Variants in MYH10 observed in about 807,000 individuals in gnomAD.
MYH10 encodes the protein myosin heavy chain 10, also known as myosin-10.
MYH10 carries 55 observed loss-of-function variants against 257.8 expected under a neutral mutation model. That is an observed-to-expected ratio of 0.21 (90% confidence interval 0.17 to 0.27). The LOEUF (loss-of-function observed/expected upper bound fraction) is 0.27, where lower values mean the gene tolerates loss of function less well. Among genes scored for constraint, MYH10 ranks in the 10% least tolerant of loss-of-function variants. The pLI is 1.00. For synonymous variants in MYH10, 854 were observed against 921.7 expected (o/e 0.93, Z 1.33); for missense variants, 1,631 against 2,500.6 (o/e 0.65, Z 7.42).
chr17:8,588,705 G>A (rs373253176), intron 4 of MYH10, among the ~76,000 whole-genome samples: 9 of 152,158 alleles, frequency 5.9e-5, no homozygotes, highest in East Asian at 3.8e-4. Flanking sequence ...GTGTCCTGTT[G>A]TGGATATTGT....
At position 8,492,999 on chromosome 17, in the gene MYH10, T is replaced by C. The variant is rs754399253; in HGVS notation, c.4235A>G (p.Asp1412Gly). 8 of 1,613,614 alleles carry C rather than the reference T, an allele frequency of 5.0e-6. No homozygotes were observed. Among genetic ancestry groups the C allele is most frequent in the Non-Finnish European group, 6.8e-6 (8 of 1,179,934 alleles). Residue 1412 changes from aspartate to glycine, a missense_variant, in exon 33 of 43, where the codon GAT becomes GGT. Physicochemically the swap from Asp to Gly is moderately conservative, Grantham distance 94. Coordinates refer to ENST00000360416, the MANE Select transcript of MYH10 (RefSeq NM_001256012.3). ...SQLADTKKKVDDDLGTIESLE... is the reference protein window; with the variant it reads ...SQLADTKKKVGDDLGTIESLE... ...ACTTTCAATTGTTCCCAGGTCGTCA[T>C]CTACTTTCTTCTTGGTATCAGCCAA... is the stretch of plus-strand genomic sequence containing the variant.
chr17:8,563,598 T>A (rs138798948), intron 7 of MYH10, among the ~76,000 whole-genome samples: 1 of 152,344 alleles, frequency 6.6e-6, no homozygotes, highest in African/African-American at 2.4e-5. Flanking sequence ...GTGCAGACCA[T>A]ATTCTGTCAC....
intron 3 of MYH10, among the ~76,000 whole-genome samples, chr17:8,601,868 G>C (rs907397769): frequency 1.3e-5 from 2 of 151,826 alleles, no homozygotes; most frequent in African/African-American, 2.4e-5. Context: ...AAAAACTTTT[G>C]AATATTTTTT....
chr17:8,490,635 A>G lies in MYH10; in HGVS notation c.4672-83T>C. The stretch of plus-strand genomic sequence containing the variant: ...AGCAGTCTTACTGTTTTACAGGCCC[A>G]CTCGTGGCATGCTGGCCACTTTGGT... On this transcript the variant is annotated intron_variant, in intron 34 of 42. Transcript: ENST00000360416. This position sits in a 1 kb window ranked among gnomAD's most constrained non-coding sequence, Gnocchi z 4.1. 7.0e-7 allele frequency: 1 copy of G among 1,423,344 alleles called. No individual in the cohort carries two copies. Among genetic ancestry groups the G allele is most frequent in the South Asian group, 1.2e-5 (1 of 84,250 alleles). The allele number at this position is 1,423,344 out of a possible 1,614,324, so 88.2% of individuals were successfully genotyped here. A position where few individuals can be genotyped will look rare whatever the true frequency, so the allele number is the denominator to read the frequency against.
Position 8,494,080 on chromosome 17 carries a change from G to A in MYH10, c.4057-195C>T, listed in dbSNP as rs538773065. Among the ~76,000 whole-genome samples, 6 of 152,280 alleles carry A rather than the reference G, an allele frequency of 3.9e-5. No individual in the cohort carries two copies. In the South Asian group the frequency reaches 1.2e-3, roughly 32 times the overall value. ...AGCTCTTCACACCAACACTGCTTCA[G>A]ACTCATCTCTGAAAAACGAATGGCG... On this transcript the variant is annotated intron_variant, in intron 31 of 42. Coordinates refer to ENST00000360416, the MANE Select transcript of MYH10 (RefSeq NM_001256012.3).
Position 8,552,154 on chromosome 17 carries a change from G to C in MYH10, c.821-10C>G. 4.8e-6 allele frequency: 7 copies of C among 1,448,958 alleles called. No individual in the cohort carries two copies. The highest frequency in any genetic ancestry group is 3.9e-5 in the Admixed American group (2 of 51,546). The allele number at this position is 1,448,958 out of a possible 1,614,324, so 89.8% of individuals were successfully genotyped here. Reference sequence around the variant, plus strand: ...GACTTTTCCAGAAGGTCTGAGCAAAGACAGTTAAGAATTAAATTATTTAAT... The same window carrying C: ...GACTTTTCCAGAAGGTCTGAGCAAACACAGTTAAGAATTAAATTATTTAAT... On this transcript the variant is annotated splice_polypyrimidine_tract_variant and intron_variant, in intron 8 of 42. Transcript: ENST00000360416. The surrounding 1 kb of genome is among the most constrained non-coding windows in gnomAD (Gnocchi z 4.8).
intron 3 of MYH10, among the ~76,000 whole-genome samples, chr17:8,593,820 C>T (rs757394223): frequency 2.0e-5 from 3 of 151,914 alleles, no homozygotes; most frequent in East Asian, 1.9e-4. Flanking sequence ...GGGCAAAAAG[C>T]GACAAACTGA....
chr17:8,617,930 A>ACATT (rs756118273), intron 2 of MYH10, among the ~76,000 whole-genome samples: 1 of 152,238 alleles, frequency 6.6e-6, no homozygotes. Flanking sequence ...AACAATAAAT[A>ACATT]CATTACATGT....
At chr17:8,617,049 C>T (rs1453572756) in intron 2 of MYH10, among the ~76,000 whole-genome samples, 3 of 151,694 alleles carry the variant, frequency 2.0e-5, no homozygotes, top group African/African-American at 7.3e-5. Context: ...GGTTAACTGG[C>T]TAGCCATATG....
intron 1 of MYH10, among the ~76,000 whole-genome samples, chr17:8,629,092 G>A (rs2085792354): frequency 6.6e-6 from 1 of 151,804 alleles, no homozygotes; most frequent in African/African-American, 2.4e-5. Flanking sequence ...CAAAAGCAAG[G>A]GACTCAAAGA....
At chr17:8,620,186 T>C (rs1020391960) in intron 2 of MYH10, among the ~76,000 whole-genome samples, 8 of 152,274 alleles carry the variant, frequency 5.3e-5, no homozygotes, top group African/African-American at 1.9e-4. Flanking sequence ...GCTGACAATA[T>C]ACTACACAAA....
rs10654533 is a variant in MYH10, at chr17:8,571,927, C to CTTT, written c.664-2118_664-2116dup. Reference sequence around the variant, plus strand: ...ATTAACTGTTTGGGTCTCTAAAAGCCTTTTTTTTTTTAAACCTAATTCAAT... The same window carrying CTTT: ...ATTAACTGTTTGGGTCTCTAAAAGCCTTTTTTTTTTTTTTAAACCTAATTCAAT... On this transcript the variant is annotated intron_variant, in intron 6 of 42. Transcript: ENST00000360416. 4.6e-3 allele frequency among the ~76,000 whole-genome samples: 675 copies of CTTT among 147,298 alleles called. 2 individuals are homozygous for CTTT. Among genetic ancestry groups the CTTT allele is most frequent in the East Asian group, 0.011 (53 of 5,026 alleles).
intron 17 of MYH10, among the ~76,000 whole-genome samples, chr17:8,523,493 T>C (rs954123805): frequency 6.6e-6 from 1 of 152,118 alleles, no homozygotes; most frequent in African/African-American, 2.4e-5. Flanking sequence ...AATGGGCCTG[T>C]GGGAAGATGA....
intron 7 of MYH10, chr17:8,560,673 G>T: frequency 1.4e-6 from 1 of 734,456 alleles, no homozygotes. Context: ...CCAGAGTGCT[G>T]ACTTCACACA....
At chr17:8,476,322 A>G (rs1912600602) in intron 42 of MYH10, among the ~76,000 whole-genome samples, 1 of 152,236 alleles carries the variant, frequency 6.6e-6, no homozygotes, top group Non-Finnish European at 1.5e-5. Context: ...CGTTTTTATA[A>G]CCATTTAAAA....
At chr17:8,526,118 G>A (rs553601942) in intron 17 of MYH10, among the ~76,000 whole-genome samples, 1 of 152,206 alleles carries the variant, frequency 6.6e-6, no homozygotes, top group Non-Finnish European at 1.5e-5. Flanking sequence ...TTAAACTCAG[G>A]GTTAGATTCC....
At chr17:8,626,131 C>T (rs181340415) in intron 1 of MYH10, among the ~76,000 whole-genome samples, 1 of 152,326 alleles carries the variant, frequency 6.6e-6, no homozygotes, top group African/African-American at 2.4e-5. Context: ...TCTTCTAAGA[C>T]ATCCTCTTTG....
chr17:8,481,352 G>A lies in MYH10; in HGVS notation c.5234C>T (p.Ala1745Val), dbSNP rs779492520. ...AGAGGCGCTGTTGGTGATCTCGTCC[G>A]CCAGCTCATCTCTCTCCTGCTCGGC... is the stretch of plus-strand genomic sequence containing the variant. ...RHAEQERDEL[A>V]DEITNSASGK... The change falls in exon 38 of 43, where the codon GCG becomes GTG. Residue 1745 changes from alanine to valine, a missense_variant. By Grantham distance (64) the Ala-to-Val change is moderately conservative. This residue lies in a region of MYH10 where 343 missense variants were observed against 389.5 expected (regional missense o/e 0.88). Coordinates refer to ENST00000360416, the MANE Select transcript of MYH10 (RefSeq NM_001256012.3). 42 of 1,613,882 alleles carry A rather than the reference G, an allele frequency of 2.6e-5. No individual in the cohort carries two copies. Among genetic ancestry groups the A allele is most frequent in the South Asian group, 1.1e-5 (1 of 91,090 alleles).
At chr17:8,589,300 T>C (rs1410248984) in intron 3 of MYH10, among the ~76,000 whole-genome samples, 192 bp from the exon 4 acceptor site, 1 of 77,640 alleles carries the variant, frequency 1.3e-5, no homozygotes, top group African/African-American at 5.5e-5. Flanking sequence ...CCTATTATTA[T>C]GCCAGAGTCT....
Sources: gnomAD v4.1 joint callset for allele counts (sites outside exome capture counted in the v4.1 genomes callset) on GRCh38, gnomAD v4.1.1 for gene constraint, gnomAD v4.1.1 regional missense constraint, Gnocchi (gnomAD v3.1) non-coding constraint, MANE v1.5 for transcripts, NCBI Gene and HGNC (gene_info 2026-07-23, HGNC 2026-07-21) for gene names.